TRIM64C: variants seen among roughly 807,000 people sequenced by gnomAD.
The protein encoded by TRIM64C is tripartite motif-containing protein 64C.
In TRIM64C, 25 loss-of-function variants were observed where a neutral mutation model predicts 36.1. The observed-to-expected ratio is 0.69, with a 90% CI of 0.51 to 0.97. The LOEUF is 0.97. Ranked by LOEUF, TRIM64C falls within the 50% of genes least tolerant of loss-of-function variation. The probability of loss-of-function intolerance (pLI) is 0.00; values close to 1 mark genes in which losing one functional copy is unlikely to be tolerated. For missense variants in TRIM64C, 489 were observed against 536.8 expected, an observed-to-expected ratio of 0.91 and a Z score of 0.88; for synonymous variants, 212 against 185.7, an observed-to-expected ratio of 1.14 and a Z score of -1.15.
Position 49,055,376 on chromosome 11 carries a change from GC to G in TRIM64C, c.792del (p.Gln264HisfsTer3). 6.5e-7 allele frequency: 1 copy of G among 1,534,222 alleles called. No individual in the cohort carries two copies. Among genetic ancestry groups the G allele is most frequent in the Non-Finnish European group, 8.7e-7 (1 of 1,146,634 alleles). ...RTDLAQMPKP[Q>X]PVNPELTSWC... ...CATGAAGTGAGCTCTGGGTTCACTG[GC>G]TGGGGCTTTGGCATCTGTGCCAAAT... On this transcript the variant is annotated frameshift_variant, in exon 5 of 6. Coordinates refer to ENST00000617704, the MANE Select transcript of TRIM64C (RefSeq NM_001206631.1). LOFTEE classifies it high-confidence loss of function.
At chr11:49,055,109 C>T (rs1054648209) in intron 5 of TRIM64C, among the ~76,000 whole-genome samples, 2 of 152,172 alleles carry the variant, frequency 1.3e-5, no homozygotes, top group African/African-American at 2.4e-5. Context: ...TCTTGCTTTA[C>T]ATTTTCATCA....
chr11:49,054,836 A>G (rs952084575), intron 5 of TRIM64C, among the ~76,000 whole-genome samples: 3 of 152,162 alleles, frequency 2.0e-5, no homozygotes, highest in Admixed American at 6.5e-5. Context: ...ATGGCATTAG[A>G]ATTGTCCTCA....
Position 49,056,394 on chromosome 11 carries a change from T to A in TRIM64C, c.739-13A>T, listed in dbSNP as rs1374290727. ...TATTTCCCACATCCTGCAAAAAAAATAAAATGTAATGTTAATTATGAGAGA... is the reference window on the plus strand; with the variant it reads ...TATTTCCCACATCCTGCAAAAAAAAAAAAATGTAATGTTAATTATGAGAGA... On this transcript the variant is annotated splice_polypyrimidine_tract_variant and intron_variant, in intron 3 of 5. Transcript: ENST00000617704. The A allele has an allele frequency of 1.1e-5, 17 of 1,530,598 alleles. No homozygotes were observed. The African/African-American group carries it at 1.3e-4, about 12-fold the overall frequency. The allele number at this position is 1,530,598 out of a possible 1,614,324, so 94.8% of individuals were successfully genotyped here.
rs575554781 is a variant in TRIM64C, at chr11:49,057,193, T to C, written c.693A>G (p.Arg231=). The part of the protein sequence containing the change: ...QHLEGMKDMY[R]ELWETYHMPD... The stretch of plus-strand genomic sequence containing the variant: ...GCATGTGGTATGTCTCCCACAGCTC[T>C]CTGTACATGTCTTTCATCCCTTCTA... The change falls in exon 3 of 6, where the codon AGA becomes AGG. Residue 231 remains arginine, a synonymous_variant. Coordinates refer to ENST00000617704, the MANE Select transcript of TRIM64C (RefSeq NM_001206631.1). The C allele has an allele frequency of 1.3e-6, 2 of 1,549,608 alleles. No individual in the cohort carries two copies. The highest frequency in any genetic ancestry group is 1.7e-6 in the Non-Finnish European group (2 of 1,146,934).
rs769205623 is a variant in TRIM64C at position 49,055,412 on chromosome 11, A to C, written c.762-5T>G. Reference sequence around the variant, plus strand: ...GGCATCTGTGCCAAATCAGTTCTGCAAAAAAAAAATGGCCTCAGTTATATT... The same window carrying C: ...GGCATCTGTGCCAAATCAGTTCTGCCAAAAAAAAATGGCCTCAGTTATATT... On this transcript the variant is annotated splice_region_variant and splice_polypyrimidine_tract_variant and intron_variant, in intron 4 of 5. Coordinates refer to ENST00000617704, the MANE Select transcript of TRIM64C (RefSeq NM_001206631.1). 2 of 1,281,152 alleles carry C rather than the reference A, an allele frequency of 1.6e-6. No individual in the cohort carries two copies. Among genetic ancestry groups the C allele is most frequent in the South Asian group, 1.4e-5 (1 of 72,626 alleles). The allele number at this position is 1,281,152 out of a possible 1,614,324, so 79.4% of individuals were successfully genotyped here. A position where few individuals can be genotyped will look rare whatever the true frequency, so the allele number is the denominator to read the frequency against.
chr11:49,058,920 T>G lies in TRIM64C; in HGVS notation c.193A>C (p.Asn65His). ...AGCTTTTTGAGTGCCACATTGGTGT[T>G]GAAGTTGGGCTTCTCTGAGATTTTT... is the stretch of plus-strand genomic sequence containing the variant. ...CRKISEKPNF[N>H]TNVALKKLAS... Residue 65 changes from asparagine (N) to histidine (H), a missense_variant, in exon 1 of 6, where the codon AAC becomes CAC. Transcript: ENST00000617704. The G allele has an allele frequency of 1.3e-6, 2 of 1,551,116 alleles. No homozygotes were observed. Among genetic ancestry groups the G allele is most frequent in the Non-Finnish European group, 1.7e-6 (2 of 1,146,942 alleles).
rs1404040053 is a variant in TRIM64C at position 49,059,061 on chromosome 11, A to C, written c.52T>G (p.Cys18Gly). 7.1e-6 allele frequency: 11 copies of C among 1,553,264 alleles called. No individual in the cohort carries two copies. The South Asian group carries it at 8.3e-5, about 12-fold the overall frequency. The change falls in exon 1 of 6, where the codon TGC becomes GGC. Residue 18 changes from cysteine to glycine, a missense_variant. Cys to Gly is a radical substitution (Grantham distance 159). Coordinates refer to ENST00000617704, the MANE Select transcript of TRIM64C (RefSeq NM_001206631.1). ...ACCGGGTCTATGAAGTAGTTCACGC[A>C]AATGCAGCAAATGAGCTCATTCTGG... is the stretch of plus-strand genomic sequence containing the variant. ...VFQNELICCI[C>G]VNYFIDPVTT...
chr11:49,054,828 G>A (rs1262747050), intron 5 of TRIM64C, among the ~76,000 whole-genome samples: 3 of 151,932 alleles, frequency 2.0e-5, no homozygotes. Context: ...TGTTTCTGAT[G>A]GCATTAGAAT....
In TRIM64C at chr11:49,054,173, G is replaced by A; in HGVS notation, c.894C>T (p.Cys298=). The A allele has an allele frequency of 6.4e-7, 1 of 1,551,520 alleles. No homozygotes were observed. The highest frequency in any genetic ancestry group is 2.0e-5 in the Admixed American group (1 of 50,986). The change falls in exon 6 of 6, where the codon TGC becomes TGT. Residue 298 remains cysteine, a synonymous_variant. Transcript: ENST00000617704. ...TCACATCCTCAGAAAGGCTTATATA[G>A]CAAGGAGTCATTTCTGTACTCAGAG... ...DNALSTEMTP[C]YISLSEDVRR...
At chr11:49,055,995 A>C (rs550814050) in intron 4 of TRIM64C, among the ~76,000 whole-genome samples, 2 of 149,760 alleles carry the variant, frequency 1.3e-5, no homozygotes, top group East Asian at 3.9e-4. Flanking sequence ...GCCCATCCTT[A>C]GGGAATATCT....
intron 4 of TRIM64C, 80 bp from the exon 5 acceptor site, chr11:49,055,487 T>C (rs753127543): frequency 6.6e-7 from 1 of 1,506,690 alleles, no homozygotes; most frequent in Non-Finnish European, 8.9e-7. Context: ...CATATTTTCA[T>C]ATAAGATGTT....
chr11:49,055,433 A>G (rs757367069), intron 4 of TRIM64C, 26 bp from the exon 5 acceptor site: 3 of 1,534,760 alleles, frequency 2.0e-6, no homozygotes, highest in South Asian at 1.2e-5. Context: ...GGCCTCAGTT[A>G]TATTTCCAGG....
chr11:49,058,668 T>G, intron 1 of TRIM64C, 33 bp downstream of exon 1: 4 of 1,538,840 alleles, frequency 2.6e-6, no homozygotes, highest in South Asian at 1.2e-5. Context: ...TATTTGATAT[T>G]CTGTATAATT....
In TRIM64C at chr11:49,059,097, G is replaced by C; in HGVS notation, c.16C>G (p.Leu6Val). The C allele has an allele frequency of 6.5e-7, 1 of 1,549,740 alleles. No individual in the cohort carries two copies. The highest frequency in any genetic ancestry group is 8.7e-7 in the Non-Finnish European group (1 of 1,146,658). MDSDT[L>V]RVFQNELICC... Reference sequence around the variant, plus strand: ...ATGAGCTCATTCTGGAAGACTCGCAGGGTGTCTGAATCCATGTTTCTTGAA... The same window carrying C: ...ATGAGCTCATTCTGGAAGACTCGCACGGTGTCTGAATCCATGTTTCTTGAA... The change falls in exon 1 of 6, where the codon CTG becomes GTG. Residue 6 changes from leucine to valine, a missense_variant. Physicochemically the swap from Leu to Val is conservative, Grantham distance 32. Transcript: ENST00000617704.
At chr11:49,057,052 C>G in intron 3 of TRIM64C, 96 bp downstream of exon 3, 5 of 1,440,334 alleles carry the variant, frequency 3.5e-6, no homozygotes, top group Non-Finnish European at 3.8e-6. Flanking sequence ...TGTCACTTAG[C>G]TTAGAGCAGT....
At chr11:49,057,972 A>G in intron 2 of TRIM64C, 106 bp downstream of exon 2, 1 of 738,056 alleles carries the variant, frequency 1.4e-6, no homozygotes, top group Non-Finnish European at 2.2e-6. Context: ...CATTTTCTTG[A>G]GGTGAAATCA....
In TRIM64C at chr11:49,055,367, G is replaced by T; in HGVS notation, c.802C>A (p.Pro268Thr). 1 of 1,535,510 alleles carries T rather than the reference G, an allele frequency of 6.5e-7. No individual in the cohort carries two copies. Among genetic ancestry groups the T allele is most frequent in the Non-Finnish European group, 8.7e-7 (1 of 1,146,822 alleles). The change falls in exon 5 of 6, where the codon CCA becomes ACA. Residue 268 changes from proline to threonine, a missense_variant. Transcript: ENST00000617704. ...GTTATGCACCATGAAGTGAGCTCTGGGTTCACTGGCTGGGGCTTTGGCATC... is the reference window on the plus strand; with the variant it reads ...GTTATGCACCATGAAGTGAGCTCTGTGTTCACTGGCTGGGGCTTTGGCATC... ...AQMPKPQPVNPELTSWCITGV... is the reference protein window; with the variant it reads ...AQMPKPQPVNTELTSWCITGV...
chr11:49,056,541 C>T (rs1854816384), intron 3 of TRIM64C, among the ~76,000 whole-genome samples, 160 bp from the exon 4 acceptor site: 2 of 151,860 alleles, frequency 1.3e-5, no homozygotes, highest in Admixed American at 6.6e-5. Context: ...AGAACCTCAA[C>T]TAAACAATGA....
intron 3 of TRIM64C, 70 bp from the exon 4 acceptor site, chr11:49,056,451 G>C: frequency 1.6e-6 from 2 of 1,231,660 alleles, no homozygotes; most frequent in Non-Finnish European, 2.3e-6. Context: ...TCATACTCTT[G>C]TTTCTTTCTG....
Sources: allele counts gnomAD v4.1 joint callset (sites outside exome capture counted in the v4.1 genomes callset), GRCh38; gene constraint gnomAD v4.1.1; transcripts MANE v1.5; gene names NCBI Gene and HGNC (gene_info 2026-07-23, HGNC 2026-07-21).